The following KAT6A variants were observed in gnomAD, a reference collection of about 807,000 sequenced individuals.
KAT6A encodes lysine acetyltransferase 6A, also known as histone acetyltransferase KAT6A.
KAT6A carries 9 observed loss-of-function variants against 198.4 expected under a neutral mutation model. The ratio of observed to expected loss-of-function variants is 0.05; its 90% confidence interval spans 0.03 to 0.08. The LOEUF is 0.08. Among genes scored for constraint, KAT6A ranks in the 10% least tolerant of loss-of-function variants. KAT6A has a pLI of 1.00. For synonymous variants in KAT6A, 890 were observed against 883.0 expected (o/e 1.01, Z -0.14); for missense variants, 2,077 against 2,509.9 (o/e 0.83, Z 3.69).
intron 2 of KAT6A, among the ~76,000 whole-genome samples, chr8:42,030,913 T>C (rs1474036794): frequency 6.6e-6 from 1 of 151,596 alleles, no homozygotes; most frequent in Non-Finnish European, 1.5e-5. Context: ...CTTTTGTATA[T>C]GTGGTCTACT....
intron 2 of KAT6A, among the ~76,000 whole-genome samples, chr8:42,005,796 A>ACACACT (rs71239089): frequency 0.045 from 6,703 of 148,720 alleles, 236 homozygotes; most frequent in East Asian, 0.12. Context: ...ACACACACAC[A>ACACACT]CACTCACTCT....
intron 15 of KAT6A, among the ~76,000 whole-genome samples, chr8:41,939,789 G>A (rs893347102): frequency 2.0e-5 from 3 of 152,170 alleles, no homozygotes; most frequent in Non-Finnish European, 4.4e-5. Context: ...GATATGCTGG[G>A]TGGGATCCTG....
intron 12 of KAT6A, among the ~76,000 whole-genome samples, chr8:41,944,625 C>T (rs986930090): frequency 6.6e-6 from 1 of 152,114 alleles, no homozygotes. Flanking sequence ...TTAAAGAAAA[C>T]ATAAAAGCAG....
intron 2 of KAT6A, among the ~76,000 whole-genome samples, chr8:42,006,995 CAAAAAAAAA>C (rs10701182): frequency 1.1e-5 from 1 of 88,224 alleles, no homozygotes; most frequent in Non-Finnish European, 2.2e-5. Flanking sequence ...GACTCCATCT[CAAAAAAAAA>C]AAAAAAAAAA....
chr8:42,041,618 A>G (rs1225804119), intron 2 of KAT6A, among the ~76,000 whole-genome samples: 1 of 152,130 alleles, frequency 6.6e-6, no homozygotes, highest in African/African-American at 2.4e-5. Flanking sequence ...CACGCCTGTA[A>G]TCGCAGACAG....
intron 2 of KAT6A, among the ~76,000 whole-genome samples, chr8:42,013,733 T>C (rs1826129828): frequency 6.6e-6 from 1 of 152,266 alleles, no homozygotes; most frequent in South Asian, 2.1e-4. Context: ...CAGAGGGTGG[T>C]TTACTTTCTA....
chr8:41,957,037 GAA>G (rs1564021665), intron 8 of KAT6A: 2 of 578,814 alleles, frequency 3.5e-6, no homozygotes, highest in South Asian at 2.9e-5. Flanking sequence ...CCCAAAAGCT[GAA>G]GTCATGCACC....
chr8:41,942,539 G>A (rs746360969), intron 14 of KAT6A: 30 of 458,170 alleles, frequency 6.5e-5, no homozygotes, highest in Middle Eastern at 5.8e-4. Context: ...TGGCACCCTG[G>A]TAACAAATAT....
At chr8:41,989,301 G>T (rs928356050) in intron 2 of KAT6A, among the ~76,000 whole-genome samples, 4 of 152,112 alleles carry the variant, frequency 2.6e-5, no homozygotes, top group African/African-American at 9.7e-5. Flanking sequence ...CTGAGGTCAG[G>T]AGTTTGAGAC....
intron 12 of KAT6A, 53 bp from the exon 13 acceptor site, chr8:41,944,032 CTG>C: frequency 1.7e-6 from 2 of 1,208,932 alleles, no homozygotes; most frequent in Non-Finnish European, 2.4e-6. Flanking sequence ...CTCTGAAAAA[CTG>C]GATTCACCAA....
chr8:41,940,827 A>G lies in KAT6A; in HGVS notation c.3039+15T>C. 1.3e-6 allele frequency: 2 copies of G among 1,593,588 alleles called. No individual in the cohort carries two copies. The highest frequency in any genetic ancestry group is 1.7e-6 in the Non-Finnish European group (2 of 1,171,844). ...GGAATTGGAGGAAGAGAAGACCTGG[A>G]AAGAAATGCGTTACCTTTCGCTTCA... On this transcript the variant is annotated intron_variant, in intron 15 of 16. Coordinates refer to ENST00000265713, the MANE Select transcript of KAT6A (RefSeq NM_006766.5).
intron 2 of KAT6A, among the ~76,000 whole-genome samples, chr8:42,017,048 T>C (rs1826306603): frequency 6.6e-6 from 1 of 152,120 alleles, no homozygotes. Context: ...AGTTTTCTAA[T>C]AAATATATAA....
chr8:41,964,461 T>C (rs764225440), intron 8 of KAT6A, among the ~76,000 whole-genome samples: 15 of 152,124 alleles, frequency 9.9e-5, no homozygotes, highest in African/African-American at 1.4e-4. Flanking sequence ...TTAAATGTTA[T>C]ACAAGTTGAG....
intron 2 of KAT6A, among the ~76,000 whole-genome samples, chr8:41,995,085 C>T (rs994890800): frequency 7.6e-6 from 1 of 131,354 alleles, no homozygotes; most frequent in Admixed American, 7.1e-5. Context: ...AAAATAAAAA[C>T]AATGCCTAGT....
At chr8:41,941,517 T>C in intron 14 of KAT6A, 73 bp from the exon 15 acceptor site, 2 of 1,444,982 alleles carry the variant, frequency 1.4e-6, no homozygotes, top group Non-Finnish European at 1.8e-6. Flanking sequence ...ATTCTGACCT[T>C]TTAAGTATTG....
At chr8:42,049,693 TTAG>T (rs1160921317) in intron 1 of KAT6A, 1 of 152,188 alleles carries the variant, frequency 6.6e-6, no homozygotes, top group Non-Finnish European at 1.5e-5. Context: ...AGTATCTGGA[TTAG>T]TAGAAAGAAT....
At position 41,934,767 on chromosome 8, in the gene KAT6A, T is replaced by A. The variant is rs750636506; in HGVS notation, c.3453A>T (p.Gly1151=). 6.2e-7 allele frequency: 1 copy of A among 1,614,124 alleles called. No homozygotes were observed. Among genetic ancestry groups the A allele is most frequent in the South Asian group, 1.1e-5 (1 of 91,082 alleles). ...GTTTGCGGCTCTTGCCTTTGGGCCA[T>A]CCCTTTTTCTTTTTCAAAGGTGTGG... is the stretch of plus-strand genomic sequence containing the variant. ...DTSTPLKKKK[G]WPKGKSRKPI... Residue 1151 remains glycine, a synonymous_variant, in exon 17 of 17, where the codon GGA becomes GGT. Transcript: ENST00000265713.
At chr8:42,029,258 C>T (rs1826989724) in intron 2 of KAT6A, among the ~76,000 whole-genome samples, 1 of 152,180 alleles carries the variant, frequency 6.6e-6, no homozygotes, top group Admixed American at 6.5e-5. Context: ...CCATGGAGAA[C>T]ACCTTATGGA....
chr8:41,977,764 T>C (rs1427135565), intron 6 of KAT6A, among the ~76,000 whole-genome samples: 1 of 152,174 alleles, frequency 6.6e-6, no homozygotes, highest in Non-Finnish European at 1.5e-5. Context: ...AACACAAGGA[T>C]GGGTTATTCT....
Sources: gnomAD v4.1 joint callset for allele counts (sites outside exome capture counted in the v4.1 genomes callset) on GRCh38, gnomAD v4.1.1 for gene constraint, MANE v1.5 for transcripts, NCBI Gene and HGNC (gene_info 2026-07-23, HGNC 2026-07-21) for gene names.